MAST3: variants seen among roughly 807,000 people sequenced by gnomAD.
MAST3 encodes the protein microtubule-associated serine/threonine-protein kinase 3.
MAST3 carries 43 observed loss-of-function variants against 127.0 expected under a neutral mutation model. The ratio of observed to expected loss-of-function variants is 0.34; its 90% CI spans 0.27 to 0.44. The LOEUF (loss-of-function observed/expected upper bound fraction) is 0.44. Ranked by LOEUF, MAST3 falls within the 20% of genes least tolerant of loss-of-function variation. The pLI is 1.00. For missense variants in MAST3, 1,390 were observed against 1,919.1 expected (o/e 0.72, Z 5.15); for synonymous variants, 785 against 809.2 (o/e 0.97, Z 0.51).
At chr19:18,108,208 G>A (rs1302270607) in intron 2 of MAST3, among the ~76,000 whole-genome samples, 5 of 151,998 alleles carry the variant, frequency 3.3e-5, no homozygotes, top group Admixed American at 6.6e-5. Flanking sequence ...CAGGAGATTC[G>A]CTTGAAGTGA....
Position 18,124,390 on chromosome 19 carries a change from G to T in MAST3, c.945+24G>T, listed in dbSNP as rs1017235700. 2.5e-6 allele frequency: 4 copies of T among 1,570,756 alleles called. 1 individual carries two copies. The highest frequency in any genetic ancestry group is 3.3e-4 in the Middle Eastern group (2 of 6,012). On this transcript the variant is annotated intron_variant, in intron 10 of 27. Transcript: ENST00000687212. ...TGGTAAGTTTCTCTTTCTACGGCCA[G>T]CTTGGGGTCCAGGCAGAACTGAGAT...
chr19:18,122,145 A>G (rs1041196170), intron 5 of MAST3: 4 of 749,248 alleles, frequency 5.3e-6, no homozygotes, highest in Admixed American at 8.5e-5. Context: ...CAACCAGCCC[A>G]GGGGGTGGGG....
chr19:18,122,863 C>T (rs1344042566), intron 6 of MAST3, 112 bp downstream of exon 6: 3 of 1,140,150 alleles, frequency 2.6e-6, no homozygotes, highest in African/African-American at 3.1e-5. Context: ...AGCAAACATA[C>T]TAGTTACTTC....
chr19:18,144,582 C>T lies in MAST3; in HGVS notation c.2701C>T (p.Pro901Ser). ...CCGCCGCCTTGGGGGCCCAAGAGAC[C>T]CAGCCCCTGAGAAGTCCAGAGCCTC... ...RGRRLGGPRD[P>S]APEKSRASSS... is the part of the protein sequence containing the mutation. The change falls in exon 23 of 28, where the codon CCA becomes TCA. Residue 901 changes from proline (P) to serine (S), a missense_variant. Physicochemically the swap from Pro to Ser is moderately conservative, Grantham distance 74. Transcript: ENST00000687212. The surrounding 1 kb of genome is among the most constrained non-coding windows in gnomAD (Gnocchi z 4.0). 6.2e-7 allele frequency: 1 copy of T among 1,610,632 alleles called. No individual in the cohort carries two copies.
chr19:18,150,372 T>A lies in MAST3; in HGVS notation c.*646T>A. ...GTCTTGCCCCAGGCACCTGGGACTC[T>A]GTTTGCAGGCCCTGCCCTCTGGGCT... is the stretch of plus-strand genomic sequence containing the variant. On this transcript the variant is annotated 3_prime_UTR_variant, in exon 28 of 28. Transcript: ENST00000687212. 6.6e-6 allele frequency: 1 copy of A among 151,886 alleles called. No individual in the cohort carries two copies. The highest frequency in any genetic ancestry group is 1.9e-4 in the East Asian group (1 of 5,202). The allele number at this position is 151,886 out of a possible 1,614,324, so 9.4% of individuals were successfully genotyped here.
At chr19:18,119,569 G>T (rs1175068420) in intron 3 of MAST3, among the ~76,000 whole-genome samples, 2 of 152,216 alleles carry the variant, frequency 1.3e-5, no homozygotes, top group Non-Finnish European at 2.9e-5. Flanking sequence ...GCAGATGTTG[G>T]GGATGTAATT....
Position 18,114,789 on chromosome 19 carries a change from C to T in MAST3, c.161+4048C>T, listed in dbSNP as rs1009405229. Among the ~76,000 whole-genome samples the T allele has an allele frequency of 2.6e-5, 4 of 152,178 alleles. No homozygotes were observed. In the South Asian group the frequency reaches 8.3e-4, roughly 32 times the overall value. On this transcript the variant is annotated intron_variant, in intron 3 of 27. Transcript: ENST00000687212. ...TGGCTGTTCCAGGCAGCAACAGCAT[C>T]GTCAGAGACACTTTCCTTCTGGAGC...
intron 11 of MAST3, among the ~76,000 whole-genome samples, chr19:18,128,191 G>T (rs1432683821): frequency 6.6e-6 from 1 of 152,214 alleles, no homozygotes; most frequent in Non-Finnish European, 1.5e-5. Context: ...TTCAGAGCCA[G>T]GGCAGCCCAC....
chr19:18,143,093 CAG>C (rs1015474236), intron 21 of MAST3, among the ~76,000 whole-genome samples: 1 of 144,984 alleles, frequency 6.9e-6, no homozygotes, highest in African/African-American at 2.6e-5. Context: ...GCCGGGGTGA[CAG>C]AGCGAGACTC....
At chr19:18,118,892 G>A (rs532485996) in intron 3 of MAST3, among the ~76,000 whole-genome samples, 2 of 152,288 alleles carry the variant, frequency 1.3e-5, no homozygotes, top group East Asian at 3.9e-4. Context: ...CAAAGTCTGG[G>A]CGGTGGGACC....
intron 27 of MAST3, 118 bp downstream of exon 27, chr19:18,147,742 CGGGATCCTGGTGTCTAGCAGGGAACCTG>C: frequency 1.3e-6 from 1 of 768,750 alleles, no homozygotes; most frequent in Non-Finnish European, 2.0e-6. Flanking sequence ...AAAAGATGAC[CGGGATCCTGGTGTCTAGCAGGGAACCTG>C]GGAGTACTTA....
rs574725680 is a variant in MAST3 at position 18,099,974 on chromosome 19, C to G, written c.39+2143C>G. 3.3e-5 allele frequency among the ~76,000 whole-genome samples: 5 copies of G among 152,068 alleles called. No homozygotes were observed. In the South Asian group the frequency reaches 1.0e-3, roughly 32 times the overall value. ...ATATTGAGGGGCTGGGAAGACTCCT[C>G]TGGAGGGCTAGGAGCAGGAGTGGGG... On this transcript the variant is annotated intron_variant, in intron 1 of 27. Transcript: ENST00000687212.
rs754262257 is a variant in MAST3 at position 18,145,209 on chromosome 19, A to G, written c.3019A>G (p.Thr1007Ala). 6.8e-6 allele frequency: 11 copies of G among 1,613,734 alleles called. No individual in the cohort carries two copies. Among genetic ancestry groups the G allele is most frequent in the Admixed American group, 6.7e-5 (4 of 59,998 alleles). The change falls in exon 24 of 28, where the codon ACT becomes GCT. Residue 1007 changes from threonine (T) to alanine (A), a missense_variant. Around this residue, in one of 5 missense-constraint regions of MAST3, gnomAD observed 816 missense variants for 934.1 expected, o/e 0.87. Transcript: ENST00000687212. This position sits in a 1 kb window ranked among gnomAD's most constrained non-coding sequence, Gnocchi z 5.9. Reference protein sequence around the residue: ...RVYMGDSDVYTVHHVVWSVED... With the variant: ...RVYMGDSDVYAVHHVVWSVED... ...CTACATGGGTGATAGCGACGTCTAC[A>G]CTGTGCACCACGTCGTCTGGGTGAG...
rs1413497641 is a variant in MAST3 at position 18,146,947 on chromosome 19, CG to C, written c.3231del (p.Lys1078ArgfsTer27). On this transcript the variant is annotated frameshift_variant, in exon 26 of 28. Coordinates refer to ENST00000687212, the MANE Select transcript of MAST3 (RefSeq NM_001393504.1). LOFTEE classifies it high-confidence loss of function. The stretch of plus-strand genomic sequence containing the variant: ...CACCTCCATCAAGGTGGGCCCCGCC[CG>C]GAAGAATGTGGCCAAGGGCCGCATG... ...ENTSIKVGPA[R>X]KNVAKGRMAR... The C allele has an allele frequency of 1.3e-6, 2 of 1,560,310 alleles. No individual in the cohort carries two copies. Among genetic ancestry groups the C allele is most frequent in the Non-Finnish European group, 1.7e-6 (2 of 1,152,204 alleles).
At chr19:18,103,176 G>A (rs1300464627) in intron 1 of MAST3, among the ~76,000 whole-genome samples, 1 of 152,078 alleles carries the variant, frequency 6.6e-6, no homozygotes. Context: ...AGTTCTGTGT[G>A]GTCCAGCTTC....
chr19:18,144,318 G>A lies in MAST3; in HGVS notation c.2585-148G>A. On this transcript the variant is annotated intron_variant, in intron 22 of 27. Coordinates refer to ENST00000687212, the MANE Select transcript of MAST3 (RefSeq NM_001393504.1). The surrounding 1 kb of genome is among the most constrained non-coding windows in gnomAD (Gnocchi z 4.0). ...GACTTTTGCATAGAGAATAATTTGG[G>A]AAGGGAGTGCAGGAAGAGGGAACTG... 1.3e-6 allele frequency: 1 copy of A among 761,272 alleles called. No homozygotes were observed. Among genetic ancestry groups the A allele is most frequent in the South Asian group, 1.7e-5 (1 of 58,300 alleles). 47.2% of individuals were successfully genotyped at this position (761,272 alleles called of 1,614,324 possible).
rs569763074 is a variant in MAST3 at position 18,117,392 on chromosome 19, T to C, written c.162-4293T>C. On this transcript the variant is annotated intron_variant, in intron 3 of 27. Transcript: ENST00000687212. ...TTCAATCAGGTGGCTGCTTCCTAACTGAGGCAGGGCTGATGGCCTTTCCCG... is the reference window on the plus strand; with the variant it reads ...TTCAATCAGGTGGCTGCTTCCTAACCGAGGCAGGGCTGATGGCCTTTCCCG... 5.9e-5 allele frequency among the ~76,000 whole-genome samples: 9 copies of C among 152,296 alleles called. No individual in the cohort carries two copies. In the South Asian group the frequency reaches 1.9e-3, roughly 32 times the overall value.
At chr19:18,140,128 C>T (rs2042301038) in intron 20 of MAST3, among the ~76,000 whole-genome samples, 1 of 152,056 alleles carries the variant, frequency 6.6e-6, no homozygotes, top group East Asian at 2.0e-4. Context: ...CTGTTTTAGC[C>T]ATTTTAAGGC....
Position 18,144,037 on chromosome 19 carries a change from T to C in MAST3, c.2584+30T>C, listed in dbSNP as rs2042785204. On this transcript the variant is annotated intron_variant, in intron 22 of 27. Transcript: ENST00000687212. This position sits in a 1 kb window ranked among gnomAD's most constrained non-coding sequence, Gnocchi z 4.0. ...GTGGGGCCCTGAGTAAGAGGGATGA[T>C]GTCATGGAAGTTTCCCAGAGGAGGG... 1 of 1,548,472 alleles carries C rather than the reference T, an allele frequency of 6.5e-7. No individual in the cohort carries two copies. Among genetic ancestry groups the C allele is most frequent in the East Asian group, 2.4e-5 (1 of 40,958 alleles).
Sources: gnomAD v4.1 joint callset for allele counts (sites outside exome capture counted in the v4.1 genomes callset) on GRCh38, gnomAD v4.1.1 for gene constraint, gnomAD v4.1.1 regional missense constraint, Gnocchi (gnomAD v3.1) non-coding constraint, MANE v1.5 for transcripts, NCBI Gene and HGNC (gene_info 2026-07-23, HGNC 2026-07-21) for gene names.